Variants in UVRAG observed in about 807,000 individuals in gnomAD.
UVRAG encodes UV radiation resistance associated.
UVRAG carries 19 observed loss-of-function variants against 78.0 expected under a neutral mutation model. That is an observed-to-expected ratio of 0.24 (90% CI 0.17 to 0.36). UVRAG has a LOEUF of 0.36. Among genes scored for constraint, UVRAG ranks in the 10% least tolerant of loss-of-function variants. The probability of loss-of-function intolerance (pLI) is 1.00; values close to 1 mark genes in which losing one functional copy is unlikely to be tolerated. For synonymous variants in UVRAG, 323 were observed against 324.6 expected, an observed-to-expected ratio of 1.00 and a Z score of 0.05; for missense variants, 740 against 853.8, an observed-to-expected ratio of 0.87 and a Z score of 1.66.
chr11:75,908,739 T>TG (rs1419506025), intron 5 of UVRAG, among the ~76,000 whole-genome samples: 1 of 141,628 alleles, frequency 7.1e-6, no homozygotes, highest in African/African-American at 2.7e-5. Context: ...TTTTTTTTTT[T>TG]GTGGGAGTTT....
At chr11:75,998,169 G>A (rs1949742382) in intron 8 of UVRAG, among the ~76,000 whole-genome samples, 1 of 152,176 alleles carries the variant, frequency 6.6e-6, no homozygotes, top group East Asian at 1.9e-4. Context: ...GGAAAGCCTA[G>A]TTGTCAACAG....
intron 1 of UVRAG, among the ~76,000 whole-genome samples, chr11:75,824,353 TTA>T (rs1183559946): frequency 1.3e-5 from 2 of 152,080 alleles, no homozygotes; most frequent in East Asian, 1.9e-4. Flanking sequence ...TATTAGGAAT[TTA>T]TGTTTTTTGT....
At chr11:75,930,941 T>TTCTTTCTC (rs1378059122) in intron 6 of UVRAG, 1 of 144,110 alleles carries the variant, frequency 6.9e-6, no homozygotes, top group Non-Finnish European at 1.5e-5. Flanking sequence ...CTTTCTTTCT[T>TTCTTTCTC]TCTTTCTTTC....
chr11:75,846,890 C>A (rs1946045658), intron 1 of UVRAG, among the ~76,000 whole-genome samples: 1 of 151,926 alleles, frequency 6.6e-6, no homozygotes, highest in Middle Eastern at 3.4e-3. Flanking sequence ...GTGACATGAT[C>A]TCAGCTCACT....
At position 76,110,211 on chromosome 11, in the gene UVRAG, C is replaced by CATAT. The variant is rs10526191; in HGVS notation, c.1306-5696_1306-5693dup. Among the ~76,000 whole-genome samples the CATAT allele has an allele frequency of 4.2e-3, 577 of 136,654 alleles. 4 individuals are homozygous for CATAT. The highest frequency in any genetic ancestry group is 8.2e-3 in the African/African-American group (278 of 33,700). The allele number at this position is 136,654 out of a possible 152,430, so 89.7% of individuals were successfully genotyped here. On this transcript the variant is annotated intron_variant, in intron 13 of 14. Coordinates refer to ENST00000356136, the MANE Select transcript of UVRAG (RefSeq NM_003369.4). ...GTGGAGAATATATATATATCTGGTA[C>CATAT]ATATATATATATATATATATGTATT...
At chr11:76,074,512 A>T (rs1951370348) in intron 13 of UVRAG, among the ~76,000 whole-genome samples, 1 of 152,206 alleles carries the variant, frequency 6.6e-6, no homozygotes, top group African/African-American at 2.4e-5. Flanking sequence ...TGTACAAATA[A>T]TAATGATGAT....
At chr11:76,078,988 C>T (rs1015428724) in intron 13 of UVRAG, among the ~76,000 whole-genome samples, 1 of 151,992 alleles carries the variant, frequency 6.6e-6, no homozygotes, top group Non-Finnish European at 1.5e-5. Flanking sequence ...GTACCTTGGG[C>T]AGATAGTATC....
chr11:75,844,089 A>G (rs1945978111), intron 1 of UVRAG, among the ~76,000 whole-genome samples: 1 of 152,202 alleles, frequency 6.6e-6, no homozygotes, highest in Non-Finnish European at 1.5e-5. Context: ...TTGTGTGAAC[A>G]TCCCTGATGC....
At chr11:75,949,378 G>T (rs914455037) in intron 6 of UVRAG, among the ~76,000 whole-genome samples, 2 of 151,758 alleles carry the variant, frequency 1.3e-5, no homozygotes, top group African/African-American at 2.4e-5. Flanking sequence ...TCTCATTCTC[G>T]CAGTCTTCAG....
intron 6 of UVRAG, among the ~76,000 whole-genome samples, chr11:75,922,034 T>G (rs2135069826): frequency 6.6e-6 from 1 of 152,298 alleles, no homozygotes; most frequent in South Asian, 2.1e-4. Context: ...CTCAGAACTT[T>G]ATTCTTTTAT....
chr11:76,090,106 A>C lies in UVRAG; in HGVS notation c.1305+24318A>C, dbSNP rs1409655288. On this transcript the variant is annotated intron_variant, in intron 13 of 14. Transcript: ENST00000356136. ...TGATTTCAACCAATCTCCTGACTGC[A>C]CCTCCATTTTTATGTTTCAAATGCA... Among the ~76,000 whole-genome samples the C allele has an allele frequency of 3.3e-5, 5 of 151,974 alleles. No individual in the cohort carries two copies. The East Asian group carries it at 9.6e-4, about 29-fold the overall frequency.
intron 11 of UVRAG, among the ~76,000 whole-genome samples, chr11:76,013,784 T>A (rs1950096049): frequency 6.6e-6 from 1 of 152,224 alleles, no homozygotes; most frequent in Admixed American, 6.5e-5. Context: ...AGGAGGTGGT[T>A]TTCCTTTTGA....
At chr11:75,871,667 C>G (rs1379003899) in intron 3 of UVRAG, among the ~76,000 whole-genome samples, 2 of 152,154 alleles carry the variant, frequency 1.3e-5, no homozygotes, top group African/African-American at 2.4e-5. Context: ...ATGAACATAT[C>G]CTTTGCTGAA....
chr11:75,822,115 T>C (rs149198132), intron 1 of UVRAG, among the ~76,000 whole-genome samples: 56 of 152,106 alleles, frequency 3.7e-4, no homozygotes, highest in African/African-American at 1.3e-3. Context: ...CAGCTAATTC[T>C]TCTATTTTCA....
rs771954783 is a variant in UVRAG at position 76,140,971 on chromosome 11, C to A, written c.1658C>A (p.Thr553Asn). ...KITSLSSSLD[T>N]SLDFSKENKK... Reference sequence around the variant, plus strand: ...ACATCTCTATCCTCCTCCTTGGATACCTCCTTGGACTTCTCCAAAGAAAAC... The same window carrying A: ...ACATCTCTATCCTCCTCCTTGGATAACTCCTTGGACTTCTCCAAAGAAAAC... The change falls in exon 15 of 15, where the codon ACC becomes AAC. Residue 553 changes from threonine (T) to asparagine (N), a missense_variant. By Grantham distance (65) the Thr-to-Asn change is moderately conservative. Coordinates refer to ENST00000356136, the MANE Select transcript of UVRAG (RefSeq NM_003369.4). The A allele has an allele frequency of 3.1e-6, 5 of 1,614,112 alleles. No homozygotes were observed. Among genetic ancestry groups the A allele is most frequent in the East Asian group, 2.2e-5 (1 of 44,884 alleles).
intron 6 of UVRAG, among the ~76,000 whole-genome samples, chr11:75,938,000 T>C: frequency 6.6e-6 from 1 of 152,162 alleles, no homozygotes. Flanking sequence ...TAGTATATCA[T>C]CAGGTTTACT....
intron 1 of UVRAG, among the ~76,000 whole-genome samples, chr11:75,838,167 CT>C (rs2135835370): frequency 6.6e-6 from 1 of 152,226 alleles, no homozygotes; most frequent in African/African-American, 2.4e-5. Flanking sequence ...GTTATGTATT[CT>C]TTATGGTCAC....
At chr11:75,831,749 A>G (rs1011206294) in intron 1 of UVRAG, among the ~76,000 whole-genome samples, 3 of 152,146 alleles carry the variant, frequency 2.0e-5, no homozygotes, top group African/African-American at 7.2e-5. Context: ...ATGCCTTTTG[A>G]TTTATGATGG....
intron 13 of UVRAG, among the ~76,000 whole-genome samples, chr11:76,104,903 G>A (rs1035050464): frequency 6.6e-6 from 1 of 152,048 alleles, no homozygotes; most frequent in Non-Finnish European, 1.5e-5. Flanking sequence ...TTTTTATAAA[G>A]AATCCCTGCA....
Sources: gnomAD v4.1 joint callset for allele counts (sites outside exome capture counted in the v4.1 genomes callset) on GRCh38, gnomAD v4.1.1 for gene constraint, MANE v1.5 for transcripts, NCBI Gene and HGNC (gene_info 2026-07-23, HGNC 2026-07-21) for gene names.